MYO3B: variants seen among roughly 807,000 people sequenced by gnomAD.
MYO3B encodes the protein myosin IIIB, also known as myosin-IIIb.
In MYO3B, 156 loss-of-function variants were observed where a neutral mutation model predicts 174.6. The observed-to-expected ratio is 0.89, with a 90% CI of 0.78 to 1.02. The LOEUF (loss-of-function observed/expected upper bound fraction) is 1.02. Ranked by LOEUF, MYO3B falls within the 50% of genes least tolerant of loss-of-function variation. The probability of loss-of-function intolerance (pLI) is 0.00; values close to 1 mark genes in which losing one functional copy is unlikely to be tolerated. For synonymous variants in MYO3B, 563 were observed against 569.1 expected, an observed-to-expected ratio of 0.99 and a Z score of 0.15; for missense variants, 1,632 against 1,639.4, an observed-to-expected ratio of 1.00 and a Z score of 0.08.
chr2:170,608,202 C>T (rs2192755), intron 32 of MYO3B, among the ~76,000 whole-genome samples: 23,493 of 152,072 alleles, frequency 0.15, 4,207 homozygotes, highest in African/African-American at 0.44. Flanking sequence ...CATGAGACTC[C>T]GTCTCAAAAA....
intron 9 of MYO3B, 71 bp from the exon 10 acceptor site, chr2:170,381,945 C>T: frequency 7.9e-7 from 1 of 1,264,792 alleles, no homozygotes; most frequent in Non-Finnish European, 1.2e-6. Context: ...GTGAATGAGC[C>T]ATGCTTGCTG....
At chr2:170,183,264 A>C (rs1342323489) in intron 1 of MYO3B, among the ~76,000 whole-genome samples, 1 of 152,126 alleles carries the variant, frequency 6.6e-6, no homozygotes, top group Non-Finnish European at 1.5e-5. Flanking sequence ...CTCAAAAAAA[A>C]ACAATTATTT....
At chr2:170,576,261 A>G (rs941715585) in intron 32 of MYO3B, among the ~76,000 whole-genome samples, 2 of 152,252 alleles carry the variant, frequency 1.3e-5, no homozygotes, top group Non-Finnish European at 1.5e-5. Flanking sequence ...GGGGCCTCAT[A>G]TAGTTGAAAC....
rs78138279 is a variant in MYO3B, at chr2:170,437,824, G to A, written c.2651-6143G>A. Among the ~76,000 whole-genome samples the A allele has an allele frequency of 9.9e-3, 1,501 of 152,070 alleles. 32 individuals carry two copies. Among genetic ancestry groups the A allele is most frequent in the African/African-American group, 0.034 (1,411 of 41,460 alleles). ...GTGTCCTCAACCCTCACAATGGCGC[G>A]CTCTATCGTCTAACTTCTTTCTCGG... On this transcript the variant is annotated intron_variant, in intron 22 of 34. Coordinates refer to ENST00000408978, the MANE Select transcript of MYO3B (RefSeq NM_138995.5).
chr2:170,637,227 AG>A (rs200313461), intron 32 of MYO3B, among the ~76,000 whole-genome samples: 2,739 of 145,062 alleles, frequency 0.019, 84 homozygotes, highest in African/African-American at 0.065. Context: ...GCTGGAGTGC[AG>A]TGGCCTGATC....
chr2:170,332,788 C>A (rs1574802339), intron 7 of MYO3B, among the ~76,000 whole-genome samples: 1 of 152,110 alleles, frequency 6.6e-6, no homozygotes, highest in Non-Finnish European at 1.5e-5. Context: ...AGGCCAACAA[C>A]TAAACAATAC....
intron 25 of MYO3B, among the ~76,000 whole-genome samples, chr2:170,490,701 GA>G (rs1686413178): frequency 1.3e-5 from 2 of 152,072 alleles, no homozygotes; most frequent in Admixed American, 1.3e-4. Flanking sequence ...TAAAAGTCAA[GA>G]TTCAGAAAGT....
chr2:170,241,704 C>T (rs1012899657), intron 7 of MYO3B, among the ~76,000 whole-genome samples: 2 of 150,952 alleles, frequency 1.3e-5, no homozygotes, highest in Admixed American at 6.6e-5. Context: ...GGCAGATGGG[C>T]AAGTCACTGC....
At chr2:170,539,696 T>C (rs1689960817) in intron 30 of MYO3B, among the ~76,000 whole-genome samples, 1 of 152,040 alleles carries the variant, frequency 6.6e-6, no homozygotes, top group African/African-American at 2.4e-5. Flanking sequence ...CTTGGCTCAG[T>C]GTAGCCTCGA....
rs544926705 is a variant in MYO3B at position 170,495,814 on chromosome 2, T to C, written c.3015-2778T>C. Among the ~76,000 whole-genome samples, 21 of 152,306 alleles carry C rather than the reference T, an allele frequency of 1.4e-4. No homozygotes were observed. The East Asian group carries it at 3.1e-3, about 22-fold the overall frequency. On this transcript the variant is annotated intron_variant, in intron 25 of 34. Coordinates refer to ENST00000408978, the MANE Select transcript of MYO3B (RefSeq NM_138995.5). Reference sequence around the variant, plus strand: ...TCCTAAAAGTATAGGAAATCCTGATTTTACCATTGACTTTTCTCACCGCAA... The same window carrying C: ...TCCTAAAAGTATAGGAAATCCTGATCTTACCATTGACTTTTCTCACCGCAA...
chr2:170,371,393 T>G (rs1174337009), intron 9 of MYO3B, among the ~76,000 whole-genome samples: 1 of 151,708 alleles, frequency 6.6e-6, no homozygotes, highest in East Asian at 1.9e-4. Context: ...ATCTTGAGTT[T>G]CACTCAGTGG....
chr2:170,639,389 C>T (rs1011093655), intron 32 of MYO3B, among the ~76,000 whole-genome samples: 2 of 152,124 alleles, frequency 1.3e-5, no homozygotes, highest in African/African-American at 2.4e-5. Flanking sequence ...CCATTTTCGC[C>T]ATAATTCCTG....
At chr2:170,219,134 TGCTA>T (rs1486758117) in intron 6 of MYO3B, among the ~76,000 whole-genome samples, 1 of 152,220 alleles carries the variant, frequency 6.6e-6, no homozygotes, top group Non-Finnish European at 1.5e-5. Flanking sequence ...AAGTCTCAAA[TGCTA>T]GCTCTGCTGG....
At chr2:170,651,346 T>C (rs1575350516) in intron 32 of MYO3B, among the ~76,000 whole-genome samples, 1 of 152,324 alleles carries the variant, frequency 6.6e-6, no homozygotes, top group South Asian at 2.1e-4. Context: ...CACCAACTTA[T>C]ACTTCACCAA....
At chr2:170,269,825 T>C (rs1392306712) in intron 7 of MYO3B, among the ~76,000 whole-genome samples, 1 of 152,224 alleles carries the variant, frequency 6.6e-6, no homozygotes, top group African/African-American at 2.4e-5. Flanking sequence ...CAAACTTTAG[T>C]GTGCATCAGA....
At chr2:170,481,968 C>G (rs1030674015) in intron 25 of MYO3B, among the ~76,000 whole-genome samples, 2 of 152,008 alleles carry the variant, frequency 1.3e-5, no homozygotes, top group Non-Finnish European at 2.9e-5. Flanking sequence ...ATGTTATAAC[C>G]TTGGTGATAT....
Position 170,404,262 on chromosome 2 carries a change from G to A in MYO3B, c.2293G>A (p.Glu765Lys), listed in dbSNP as rs768639744. The A allele has an allele frequency of 6.2e-6, 10 of 1,605,436 alleles. No individual in the cohort carries two copies. Among genetic ancestry groups the A allele is most frequent in the East Asian group, 2.2e-5 (1 of 44,740 alleles). ...TTCCCTCCAGATGGAATATCAGAAT[G>A]AAGGCATTGATGCTGTACCCGTGGA... ...FALEQMEYQN[E>K]GIDAVPVEYE... Residue 765 changes from glutamate (E) to lysine (K), a missense_variant, in exon 20 of 35, where the codon GAA becomes AAA. Transcript: ENST00000408978.
Position 170,217,332 on chromosome 2 carries a change from A to T in MYO3B, c.540A>T (p.Gln180His). 6.2e-7 allele frequency: 1 copy of T among 1,613,904 alleles called. No individual in the cohort carries two copies. Among genetic ancestry groups the T allele is most frequent in the Non-Finnish European group, 8.5e-7 (1 of 1,179,868 alleles). Residue 180 changes from glutamine (Q) to histidine (H), a missense_variant, in exon 6 of 35, where the codon CAA (glutamine) becomes CAT (histidine). Gln to His is a conservative substitution (Grantham distance 24, BLOSUM62 0). Transcript: ENST00000408978. The part of the protein sequence containing the change: ...VKLVDFGVSA[Q>H]LTSTRLRRNT... ...CTTTCCTTATAGGTGTTTCAGCTCA[A>T]CTCACCAGTACACGTCTGCGGAGAA...
intron 8 of MYO3B, among the ~76,000 whole-genome samples, chr2:170,341,952 T>C (rs2093979503): frequency 6.6e-6 from 1 of 152,094 alleles, no homozygotes; most frequent in South Asian, 2.1e-4. Context: ...AGCAGCTGAG[T>C]GTGACTTGAA....
Sources: gnomAD v4.1 joint callset for allele counts (sites outside exome capture counted in the v4.1 genomes callset) on GRCh38, gnomAD v4.1.1 for gene constraint, MANE v1.5 for transcripts, NCBI Gene and HGNC (gene_info 2026-07-23, HGNC 2026-07-21) for gene names.